BBS9: variants seen among roughly 807,000 people sequenced by gnomAD.
BBS9 encodes the protein protein PTHB1.
Under a neutral mutation model 117.7 loss-of-function variants are expected in BBS9, and 89 were observed. The ratio of observed to expected loss-of-function variants is 0.76; its 90% CI spans 0.64 to 0.90. The LOEUF (loss-of-function observed/expected upper bound fraction) is 0.90, where lower values mean the gene tolerates loss of function less well. Among genes scored for constraint, BBS9 ranks in the 40% least tolerant of loss-of-function variants. The probability of loss-of-function intolerance (pLI) is 0.00; values close to 1 mark genes in which losing one functional copy is unlikely to be tolerated. For missense variants in BBS9, 982 were observed against 1,042.2 expected, an observed-to-expected ratio of 0.94 and a Z score of 0.80; for synonymous variants, 379 against 370.9, an observed-to-expected ratio of 1.02 and a Z score of -0.25.
At chr7:33,279,695 T>C (rs916738283) in intron 9 of BBS9, among the ~76,000 whole-genome samples, 1 of 152,222 alleles carries the variant, frequency 6.6e-6, no homozygotes, top group Non-Finnish European at 1.5e-5. Flanking sequence ...TCCAATTCTG[T>C]CTGTGTTTTC....
At chr7:33,156,213 C>T (rs770163618) in intron 4 of BBS9, among the ~76,000 whole-genome samples, 20 of 151,854 alleles carry the variant, frequency 1.3e-4, no homozygotes, top group East Asian at 9.7e-4. Flanking sequence ...GTATAGTGTG[C>T]GGTTTGGTTT....
chr7:33,339,167 A>G (rs1326752136), intron 10 of BBS9, among the ~76,000 whole-genome samples: 1 of 152,158 alleles, frequency 6.6e-6, no homozygotes, highest in African/African-American at 2.4e-5. Context: ...TTCCACAGTC[A>G]TCAGAGACTC....
rs202176621 is a variant in BBS9, at chr7:33,614,735, G to T, written c.2522-20442G>T. Among the ~76,000 whole-genome samples, 21 of 152,198 alleles carry T rather than the reference G, an allele frequency of 1.4e-4. No individual in the cohort carries two copies. In the East Asian group the frequency reaches 4.1e-3, roughly 29 times the overall value. On this transcript the variant is annotated intron_variant, in intron 21 of 21. Transcript: ENST00000671952. ...CTCCAGAAGACCCAGTCATAAGGGAGCCTCCACACTTTCATGAGTTTTCCT... is the reference window on the plus strand; with the variant it reads ...CTCCAGAAGACCCAGTCATAAGGGATCCTCCACACTTTCATGAGTTTTCCT...
intron 2 of BBS9, among the ~76,000 whole-genome samples, chr7:33,149,980 G>A (rs1039892377): frequency 3.3e-5 from 5 of 152,130 alleles, no homozygotes; most frequent in East Asian, 1.9e-4. Flanking sequence ...GAAGCTCAGC[G>A]GGGAATGTTT....
intron 20 of BBS9, among the ~76,000 whole-genome samples, chr7:33,519,388 G>T (rs963498371): frequency 6.6e-6 from 1 of 152,188 alleles, no homozygotes; most frequent in Non-Finnish European, 1.5e-5. Flanking sequence ...TATTCTCAAT[G>T]ATGAGTGCCT....
At chr7:33,606,110 T>A (rs186588609), downstream of BBS9, 1 of 152,198 alleles carries the variant, frequency 6.6e-6, no homozygotes, top group Admixed American at 6.5e-5. Flanking sequence ...TGTTCATGGT[T>A]TTTCTATATG....
intron 21 of BBS9, among the ~76,000 whole-genome samples, chr7:33,627,889 A>G (rs1479942266): frequency 6.6e-6 from 1 of 152,122 alleles, no homozygotes; most frequent in Non-Finnish European, 1.5e-5. Context: ...CAAAAAAATA[A>G]AAGAATTAGC....
intron 21 of BBS9, among the ~76,000 whole-genome samples, chr7:33,540,985 T>A (rs1329959310): frequency 6.6e-6 from 1 of 152,252 alleles, no homozygotes; most frequent in Non-Finnish European, 1.5e-5. Flanking sequence ...ACAGGTTTCC[T>A]CATAGAACAT....
intron 4 of BBS9, among the ~76,000 whole-genome samples, chr7:33,174,642 C>T (rs1414402782): frequency 6.6e-6 from 1 of 152,228 alleles, no homozygotes; most frequent in Non-Finnish European, 1.5e-5. Context: ...AGTCTGTTTA[C>T]ACTTCCATTT....
chr7:33,176,426 T>G (rs1435390101), intron 4 of BBS9, among the ~76,000 whole-genome samples: 3 of 152,212 alleles, frequency 2.0e-5, no homozygotes, highest in African/African-American at 7.2e-5. Flanking sequence ...AAAGTCTGGT[T>G]TGAATACTCA....
intron 19 of BBS9, among the ~76,000 whole-genome samples, chr7:33,482,465 G>C (rs933986671): frequency 1.5e-4 from 23 of 152,248 alleles, no homozygotes; most frequent in African/African-American, 5.1e-4. Flanking sequence ...ACATAGGGGA[G>C]ATGCCATGAA....
At chr7:33,613,020 G>C (rs529311850) in intron 21 of BBS9, among the ~76,000 whole-genome samples, 48 of 152,066 alleles carry the variant, frequency 3.2e-4, no homozygotes, top group African/African-American at 8.7e-4. Flanking sequence ...TGGGCACCAG[G>C]GCTCCAAAGA....
At chr7:33,266,414 T>C (rs1019542689) in intron 7 of BBS9, among the ~76,000 whole-genome samples, 1 of 152,232 alleles carries the variant, frequency 6.6e-6, no homozygotes, top group East Asian at 1.9e-4. Flanking sequence ...GATTGATTTC[T>C]ATTTAAGTCT....
intron 5 of BBS9, among the ~76,000 whole-genome samples, chr7:33,199,779 A>G (rs1287572725): frequency 6.6e-6 from 1 of 151,852 alleles, no homozygotes; most frequent in African/African-American, 2.4e-5. Flanking sequence ...TTTTTAGGCA[A>G]CGAGATCTTA....
At chr7:33,198,523 C>T (rs1785294591) in intron 5 of BBS9, among the ~76,000 whole-genome samples, 1 of 151,776 alleles carries the variant, frequency 6.6e-6, no homozygotes, top group Non-Finnish European at 1.5e-5. Flanking sequence ...TGATGATAAG[C>T]TACAAGGAAA....
rs930385235 is a variant in BBS9, at chr7:33,211,230, G to C, written c.442+33639G>C. Among the ~76,000 whole-genome samples the C allele has an allele frequency of 2.0e-5, 3 of 151,938 alleles. No homozygotes were observed. The East Asian group carries it at 5.8e-4, about 29-fold the overall frequency. On this transcript the variant is annotated intron_variant, in intron 5 of 22. Transcript: ENST00000242067. ...ATTTTGTTATTTTTTTCTGGTTGTT[G>C]TGTGGTCTTCTCTTCCTTCCTGTCT...
At chr7:33,526,100 G>T (rs1849453348) in intron 20 of BBS9, among the ~76,000 whole-genome samples, 1 of 151,280 alleles carries the variant, frequency 6.6e-6, no homozygotes, top group Non-Finnish European at 1.5e-5. Flanking sequence ...GGCTTGTAGG[G>T]TTTCTGCTGA....
chr7:33,613,471 T>C (rs1438134421), intron 21 of BBS9, among the ~76,000 whole-genome samples: 1 of 152,020 alleles, frequency 6.6e-6, no homozygotes, highest in African/African-American at 2.4e-5. Flanking sequence ...CAGGGGTTTT[T>C]CAGACTGGCT....
chr7:33,620,429 T>G, intron 21 of BBS9, among the ~76,000 whole-genome samples: 1 of 151,876 alleles, frequency 6.6e-6, no homozygotes, highest in East Asian at 1.9e-4. Context: ...AAAATCAACA[T>G]ATAAAAATCT....
Sources: gnomAD v4.1 joint callset for allele counts (sites outside exome capture counted in the v4.1 genomes callset) on GRCh38, gnomAD v4.1.1 for gene constraint, MANE v1.5 for transcripts, NCBI Gene and HGNC (gene_info 2026-07-23, HGNC 2026-07-21) for gene names.